The following DCT variants were observed in gnomAD, a reference collection of about 807,000 sequenced individuals.
The protein encoded by DCT is L-dopachrome tautomerase.
A neutral mutation model predicts 53.0 loss-of-function variants in DCT; 47 were observed. The observed-to-expected ratio is 0.89, with a 90% CI of 0.70 to 1.13. DCT has a LOEUF of 1.13. Among genes scored for constraint, DCT ranks in the 50% most tolerant of loss-of-function variants. The pLI, the probability that DCT is intolerant of heterozygous loss-of-function variation, is 0.00. For missense variants in DCT, 669 were observed against 637.4 expected (o/e 1.05, Z -0.53); for synonymous variants, 244 against 237.0 (o/e 1.03, Z -0.27).
chr13:94,534,213 T>C, the DCT span, among the ~76,000 whole-genome samples: 2 of 152,136 alleles, frequency 1.3e-5, no homozygotes, highest in African/African-American at 2.4e-5. Context: ...AGTTACCCTA[T>C]TGTGTCCAAC....
the DCT span, among the ~76,000 whole-genome samples, chr13:94,499,701 A>C: frequency 6.6e-6 from 1 of 152,158 alleles, no homozygotes; most frequent in African/African-American, 2.4e-5. Context: ...GTTAGGAATG[A>C]TTTGACTCCC....
At chr13:94,492,050 G>T in the DCT span, among the ~76,000 whole-genome samples, 2 of 152,142 alleles carry the variant, frequency 1.3e-5, no homozygotes, top group Non-Finnish European at 2.9e-5. Context: ...ACAACCAGGG[G>T]TGAGTAAAAC....
At chr13:94,448,968 G>A (rs1243286695) in intron 6 of DCT, among the ~76,000 whole-genome samples, 2 of 151,816 alleles carry the variant, frequency 1.3e-5, no homozygotes, top group African/African-American at 4.8e-5. Flanking sequence ...CTGCTCGAGG[G>A]CTACATAGCT....
intron 4 of DCT, among the ~76,000 whole-genome samples, chr13:94,464,814 G>A (rs117435645): frequency 0.011 from 1,745 of 152,180 alleles, 15 homozygotes; most frequent in Non-Finnish European, 0.018. Context: ...TTCATGGGCT[G>A]CAGGCCAGGC....
intron 6 of DCT, among the ~76,000 whole-genome samples, chr13:94,451,589 C>G (rs768370032): frequency 6.6e-6 from 1 of 152,140 alleles, no homozygotes; most frequent in Non-Finnish European, 1.5e-5. Context: ...GAGTAGTTTA[C>G]TATATACAGA....
At chr13:94,456,903 G>A (rs182801838) in intron 6 of DCT, among the ~76,000 whole-genome samples, 12 of 152,350 alleles carry the variant, frequency 7.9e-5, no homozygotes, top group Admixed American at 2.0e-4. Flanking sequence ...GCCGAGGCCC[G>A]AGGATCACTT....
chr13:94,480,523 A>G (rs1159539983), upstream of DCT, among the ~76,000 whole-genome samples: 1 of 152,224 alleles, frequency 6.6e-6, no homozygotes, highest in African/African-American at 2.4e-5. Context: ...AATATACTTG[A>G]ATGTAAAGAC....
chr13:94,498,297 A>C, the DCT span, among the ~76,000 whole-genome samples: 37 of 152,390 alleles, frequency 2.4e-4, no homozygotes, highest in Admixed American at 5.2e-4. Flanking sequence ...TTGTCAAAGA[A>C]GTGAACAAAT....
chr13:94,513,340 C>A, the DCT span, among the ~76,000 whole-genome samples: 9 of 152,138 alleles, frequency 5.9e-5, no homozygotes, highest in African/African-American at 2.2e-4. Context: ...ATTACTCTCT[C>A]CACTCAAAGT....
the DCT span, among the ~76,000 whole-genome samples, chr13:94,509,082 G>A: frequency 2.6e-5 from 4 of 152,152 alleles, no homozygotes; most frequent in African/African-American, 7.2e-5. Context: ...TTAGCTCTGG[G>A]CTACCTATTA....
intron 6 of DCT, among the ~76,000 whole-genome samples, chr13:94,443,901 G>T (rs961377591): frequency 6.6e-6 from 1 of 152,136 alleles, no homozygotes; most frequent in Admixed American, 6.5e-5. Flanking sequence ...CTCCAAGCAG[G>T]ACTATAAACC....
At chr13:94,485,699 G>A in the DCT span, among the ~76,000 whole-genome samples, 17 of 152,162 alleles carry the variant, frequency 1.1e-4, no homozygotes, top group Non-Finnish European at 1.5e-4. Flanking sequence ...TCTTGAAGGA[G>A]AGCAGAGAAA....
chr13:94,513,705 C>G, the DCT span, among the ~76,000 whole-genome samples: 2 of 151,808 alleles, frequency 1.3e-5, no homozygotes, highest in Non-Finnish European at 2.9e-5. Flanking sequence ...AGATAGATAC[C>G]GCTGGGCACG....
rs1438819222 is a variant in DCT, at chr13:94,466,490, T to A, written c.696+68A>T. On this transcript the variant is annotated intron_variant, in intron 3 of 7. Coordinates refer to ENST00000377028, the MANE Select transcript of DCT (RefSeq NM_001922.5). ...GATAAGTATATCAAAATTCACACTGTATGCCTTAAATATATACAATAAATT... is the reference window on the plus strand; with the variant it reads ...GATAAGTATATCAAAATTCACACTGAATGCCTTAAATATATACAATAAATT... 4.2e-6 allele frequency: 4 copies of A among 952,006 alleles called. No homozygotes were observed. In the Admixed American group the frequency reaches 1.1e-4, roughly 27 times the overall value. The allele number at this position is 952,006 out of a possible 1,614,324, so 59.0% of individuals were successfully genotyped here. A position where few individuals can be genotyped will look rare whatever the true frequency, so the allele number is the denominator to read the frequency against.
intron 1 of DCT, among the ~76,000 whole-genome samples, chr13:94,469,782 A>G (rs183153985): frequency 9.3e-4 from 142 of 152,318 alleles, no homozygotes; most frequent in Non-Finnish European, 1.8e-3. Context: ...ATGAAACCAA[A>G]ATAAATACAT....
intron 6 of DCT, among the ~76,000 whole-genome samples, chr13:94,459,636 CTTCT>C (rs1171542896): frequency 6.6e-6 from 1 of 152,168 alleles, no homozygotes; most frequent in African/African-American, 2.4e-5. Context: ...TGCTGCTTTT[CTTCT>C]TTCTCAAGTA....
the DCT span, among the ~76,000 whole-genome samples, chr13:94,537,985 G>C: frequency 6.6e-6 from 1 of 152,224 alleles, no homozygotes; most frequent in African/African-American, 2.4e-5. Context: ...CCTACTATGA[G>C]TTTTCTGCTA....
At chr13:94,505,582 G>A in the DCT span, among the ~76,000 whole-genome samples, 3 of 152,220 alleles carry the variant, frequency 2.0e-5, no homozygotes, top group Admixed American at 1.3e-4. Flanking sequence ...TTTCCTTTTC[G>A]GCCATGGAGG....
the DCT span, among the ~76,000 whole-genome samples, chr13:94,530,639 T>C: frequency 6.6e-6 from 1 of 152,164 alleles, no homozygotes; most frequent in Admixed American, 6.6e-5. Flanking sequence ...GGAATGTATC[T>C]CAAAATAATA....
Sources: allele counts gnomAD v4.1 joint callset (sites outside exome capture counted in the v4.1 genomes callset), GRCh38; gene constraint gnomAD v4.1.1; transcripts MANE v1.5; gene names NCBI Gene and HGNC (gene_info 2026-07-23, HGNC 2026-07-21).